STXBP5L: variants seen among roughly 807,000 people sequenced by gnomAD.
STXBP5L encodes the protein syntaxin binding protein 5L, also known as syntaxin-binding protein 5-like.
In STXBP5L, 65 loss-of-function variants were observed where a neutral mutation model predicts 144.5. That is an observed-to-expected ratio of 0.45 (90% CI 0.37 to 0.55). STXBP5L has a LOEUF of 0.55. STXBP5L is among the 20% of genes least tolerant of loss of function. STXBP5L has a pLI of 0.00. For synonymous variants in STXBP5L, 505 were observed against 469.6 expected (o/e 1.08, Z -0.97); for missense variants, 1,298 against 1,405.5 (o/e 0.92, Z 1.22).
In STXBP5L at chr3:120,977,753, C is replaced by G. The variant is rs988156383; in HGVS notation, c.287+22716C>G. Among the ~76,000 whole-genome samples, 5 of 152,242 alleles carry G rather than the reference C, an allele frequency of 3.3e-5. No individual in the cohort carries two copies. In the South Asian group the frequency reaches 1.0e-3, roughly 32 times the overall value. ...AGGGCAGGCCTGGTGGTGACAAAATCTCTCAGCATTTGCTTGTCTGTGAAG... is the reference window on the plus strand; with the variant it reads ...AGGGCAGGCCTGGTGGTGACAAAATGTCTCAGCATTTGCTTGTCTGTGAAG... On this transcript the variant is annotated intron_variant, in intron 3 of 26. Transcript: ENST00000471454.
intron 3 of STXBP5L, among the ~76,000 whole-genome samples, chr3:121,005,763 A>T (rs1390618261): frequency 6.6e-6 from 1 of 152,010 alleles, no homozygotes; most frequent in Non-Finnish European, 1.5e-5. Context: ...CTTTGTTCTC[A>T]TTGGTTTCAA....
At chr3:121,383,263 C>G (rs1467261865) in intron 22 of STXBP5L, among the ~76,000 whole-genome samples, 1 of 151,794 alleles carries the variant, frequency 6.6e-6, no homozygotes, top group Non-Finnish European at 1.5e-5. Flanking sequence ...ATAATGAGAC[C>G]CCATCTCTAC....
At chr3:121,180,261 A>G (rs1426237767) in intron 9 of STXBP5L, among the ~76,000 whole-genome samples, 1 of 152,236 alleles carries the variant, frequency 6.6e-6, no homozygotes. Context: ...TTTACAAGCC[A>G]GAAGGAACTG....
At chr3:121,099,689 C>T (rs905483711) in intron 5 of STXBP5L, 2 of 153,132 alleles carry the variant, frequency 1.3e-5, no homozygotes, top group Admixed American at 6.5e-5. Context: ...CAAAAGTCTT[C>T]ACCCTGACTC....
chr3:121,091,467 C>T (rs1448759722), intron 5 of STXBP5L, among the ~76,000 whole-genome samples: 1 of 152,076 alleles, frequency 6.6e-6, no homozygotes, highest in African/African-American at 2.4e-5. Context: ...TAATGATTGC[C>T]ATTCTAACTG....
chr3:121,102,175 T>A (rs74220950), intron 5 of STXBP5L, among the ~76,000 whole-genome samples: 18,244 of 149,144 alleles, frequency 0.12, 1,147 homozygotes, highest in Non-Finnish European at 0.14. Flanking sequence ...CTTATCAAAC[T>A]ACCAGAGTCA....
In STXBP5L at chr3:121,407,512, A is replaced by T; in HGVS notation, c.2857A>T (p.Thr953Ser). 6.2e-7 allele frequency: 1 copy of T among 1,613,382 alleles called. No homozygotes were observed. The stretch of plus-strand genomic sequence containing the variant: ...CCTTTATGTTCATAACATCACGGAG[A>T]CATCTTTTATACTGCAAGCAAATGT... The part of the protein sequence containing the change: ...TCLYVHNITE[T>S]SFILQANVVV... The change falls in exon 23 of 27, where the codon ACA becomes TCA. Residue 953 changes from threonine (T) to serine (S), a missense_variant. Coordinates refer to ENST00000471454, the MANE Select transcript of STXBP5L (RefSeq NM_001308330.2).
Position 121,287,187 on chromosome 3 carries a change from A to G in STXBP5L, c.2110+7231A>G, listed in dbSNP as rs550664339. 2.4e-3 allele frequency among the ~76,000 whole-genome samples: 361 copies of G among 152,344 alleles called. 4 individuals carry two copies. In the Middle Eastern group the frequency reaches 0.031, roughly 13 times the overall value. ...CTACCCTAAATAGAAATAGTTCATA[A>G]CTCACATCCACTTCTATTTAACATT... On this transcript the variant is annotated intron_variant, in intron 19 of 26. Coordinates refer to ENST00000471454, the MANE Select transcript of STXBP5L (RefSeq NM_001308330.2).
At chr3:121,409,941 T>A (rs530038622) in intron 23 of STXBP5L, among the ~76,000 whole-genome samples, 78 of 151,658 alleles carry the variant, frequency 5.1e-4, no homozygotes, top group Middle Eastern at 3.4e-3. Flanking sequence ...TGAAACTAGG[T>A]TTTGAGAGTG....
At chr3:120,973,461 T>C (rs1157632946) in intron 3 of STXBP5L, among the ~76,000 whole-genome samples, 1 of 152,092 alleles carries the variant, frequency 6.6e-6, no homozygotes, top group Non-Finnish European at 1.5e-5. Context: ...GAATCTTCTC[T>C]TTTTTATTCT....
chr3:121,129,250 C>T (rs775663107), intron 7 of STXBP5L, among the ~76,000 whole-genome samples: 3 of 151,866 alleles, frequency 2.0e-5, no homozygotes, highest in Non-Finnish European at 2.9e-5. Context: ...ATTAGAGGCA[C>T]ATAGTGGGAA....
chr3:121,001,376 G>T (rs1943761051), intron 3 of STXBP5L, among the ~76,000 whole-genome samples: 1 of 152,228 alleles, frequency 6.6e-6, no homozygotes, highest in East Asian at 1.9e-4. Flanking sequence ...GGGATACTCA[G>T]ATCAGACTGG....
chr3:121,175,153 T>C (rs1269337289), intron 9 of STXBP5L, among the ~76,000 whole-genome samples: 2 of 152,130 alleles, frequency 1.3e-5, no homozygotes, highest in Non-Finnish European at 2.9e-5. Context: ...AAAATAACAA[T>C]AGATACAACT....
chr3:121,062,896 A>G (rs528046076), intron 5 of STXBP5L, among the ~76,000 whole-genome samples: 5 of 152,208 alleles, frequency 3.3e-5, no homozygotes, highest in Non-Finnish European at 7.3e-5. Context: ...TATTCTAGTT[A>G]GCAATGCATC....
intron 2 of STXBP5L, among the ~76,000 whole-genome samples, chr3:120,936,945 A>G (rs1027670197): frequency 6.6e-6 from 1 of 151,862 alleles, no homozygotes; most frequent in African/African-American, 2.4e-5. Context: ...TATAATTAGG[A>G]CTCAGTCTTT....
chr3:121,199,089 A>G (rs565974935), intron 9 of STXBP5L, among the ~76,000 whole-genome samples: 1 of 152,166 alleles, frequency 6.6e-6, no homozygotes, highest in Non-Finnish European at 1.5e-5. Context: ...TGGCCATTTC[A>G]CAATATTGAT....
chr3:121,191,187 G>A (rs1344425694), intron 9 of STXBP5L, among the ~76,000 whole-genome samples: 5 of 152,300 alleles, frequency 3.3e-5, no homozygotes, highest in African/African-American at 1.2e-4. Flanking sequence ...GCCAAGGCAG[G>A]CGGCTGGCAG....
chr3:120,951,618 C>T (rs375353957), intron 2 of STXBP5L, among the ~76,000 whole-genome samples: 3 of 152,110 alleles, frequency 2.0e-5, no homozygotes, highest in African/African-American at 2.4e-5. Context: ...TCATCTCACA[C>T]CAGTTAGAAT....
At position 121,423,877 on chromosome 3, in the gene STXBP5L, C is replaced by G. The variant is rs1349102418; in HGVS notation, c.*4780C>G. The G allele has an allele frequency of 6.6e-6, 1 of 152,180 alleles. No homozygotes were observed. The highest frequency in any genetic ancestry group is 1.5e-5 in the Non-Finnish European group (1 of 68,034). 9.4% of individuals were successfully genotyped at this position (152,180 alleles called of 1,614,324 possible). ...AACAAAAGCATTTGAGAATTTCTGA[C>G]CAGGCAGTGCTCCATCAACTCTTAA... On this transcript the variant is annotated 3_prime_UTR_variant, in exon 27 of 27. Coordinates refer to ENST00000471454, the MANE Select transcript of STXBP5L (RefSeq NM_001308330.2).
Sources: allele counts gnomAD v4.1 joint callset (sites outside exome capture counted in the v4.1 genomes callset), GRCh38; gene constraint gnomAD v4.1.1; transcripts MANE v1.5; gene names NCBI Gene and HGNC (gene_info 2026-07-23, HGNC 2026-07-21).